The following NPHS1 variants were observed in gnomAD, a reference collection of about 807,000 sequenced individuals.
NPHS1 encodes nephrin.
A neutral mutation model predicts 139.7 loss-of-function variants in NPHS1; 107 were observed. The observed-to-expected ratio is 0.77, with a 90% CI of 0.66 to 0.90. The LOEUF (loss-of-function observed/expected upper bound fraction) is 0.90. NPHS1 is among the 40% of genes least tolerant of loss of function. NPHS1 has a pLI of 0.00. For synonymous variants in NPHS1, 707 were observed against 706.6 expected, an observed-to-expected ratio of 1.00 and a Z score of -0.01; for missense variants, 1,580 against 1,654.2, an observed-to-expected ratio of 0.96 and a Z score of 0.78.
chr19:35,851,515 G>C lies in NPHS1; in HGVS notation c.216C>G (p.Gly72=), dbSNP rs764300734. Residue 72 remains glycine (G), a synonymous_variant, in exon 2 of 29, where the codon GGC becomes GGG. Transcript: ENST00000378910. Reference sequence around the variant, plus strand: ...GGAAGCCTGGGATCCTGGGGTCGGGGCCCAGGAGCAGCCCATCTTTGGCCC... The same window carrying C: ...GGAAGCCTGGGATCCTGGGGTCGGGCCCCAGGAGCAGCCCATCTTTGGCCC... ...VQWAKDGLLL[G]PDPRIPGFPR... 2 of 1,613,730 alleles carry C rather than the reference G, an allele frequency of 1.2e-6. No individual in the cohort carries two copies. Among genetic ancestry groups the C allele is most frequent in the Non-Finnish European group, 1.7e-6 (2 of 1,179,988 alleles).
At chr19:35,832,609 G>T (rs1972899344) in intron 23 of NPHS1, among the ~76,000 whole-genome samples, 1 of 151,830 alleles carries the variant, frequency 6.6e-6, no homozygotes, top group African/African-American at 2.4e-5. Context: ...GACGGAGTTG[G>T]CTGGGCACGG....
intron 23 of NPHS1, among the ~76,000 whole-genome samples, chr19:35,834,751 C>T (rs1440983918): frequency 4.0e-5 from 6 of 151,758 alleles, no homozygotes; most frequent in Non-Finnish European, 7.4e-5. Flanking sequence ...ATTAGCTGGG[C>T]GTGTTGGCAC....
At chr19:35,839,662 T>G in intron 20 of NPHS1, 55 bp from the exon 21 acceptor site, 4 of 1,405,914 alleles carry the variant, frequency 2.8e-6, no homozygotes, top group Non-Finnish European at 4.0e-6. Context: ...TTCCAGAAGA[T>G]TCTGTCCAGG....
At chr19:35,844,484 T>C in intron 14 of NPHS1, 25 bp from the exon 15 acceptor site, 2 of 1,547,146 alleles carry the variant, frequency 1.3e-6, no homozygotes, top group South Asian at 2.4e-5. Flanking sequence ...CCGCAGGGAG[T>C]CAAGATTGTT....
rs766646699 is a variant in NPHS1 at position 35,848,272 on chromosome 19, C to T, written c.1296G>A (p.Ser432=). ...GCTCACATTTTACGTTCAGGATGAGCGACTTCTTGAAGGTCTCCTTGGTGA... is the reference window on the plus strand; with the variant it reads ...GCTCACATTTTACGTTCAGGATGAGTGACTTCTTGAAGGTCTCCTTGGTGA... The part of the protein sequence containing the change: ...EAFTKETFKK[S]LILNVKYPAQ... Residue 432 remains serine (S), a synonymous_variant, in exon 10 of 29, where the codon TCG becomes TCA. Transcript: ENST00000378910. The T allele has an allele frequency of 1.6e-5, 26 of 1,613,966 alleles. No individual in the cohort carries two copies. The highest frequency in any genetic ancestry group is 2.1e-5 in the Non-Finnish European group (25 of 1,180,034).
chr19:35,847,115 G>A (rs374333617), intron 11 of NPHS1, among the ~76,000 whole-genome samples: 1 of 151,614 alleles, frequency 6.6e-6, no homozygotes, highest in Admixed American at 6.6e-5. Flanking sequence ...GCACGATCTC[G>A]GCTCACTGCA....
At chr19:35,844,005 T>A in intron 16 of NPHS1, 98 bp downstream of exon 16, 1 of 1,507,502 alleles carries the variant, frequency 6.6e-7, no homozygotes, top group Non-Finnish European at 9.0e-7. Flanking sequence ...CCAGGATGGG[T>A]GGCTATCCCT....
In NPHS1 at chr19:35,826,638, C is replaced by A. The variant is rs1459920914; in HGVS notation, c.3602G>T (p.Trp1201Leu). The A allele has an allele frequency of 6.2e-7, 1 of 1,614,138 alleles. No homozygotes were observed. Among genetic ancestry groups the A allele is most frequent in the South Asian group, 1.1e-5 (1 of 91,082 alleles). ...TGTGTCTTCAGGCCAGTGGAGGTCC[C>A]AGGGTCCCTGACAGGCAAAAAGTGG... is the stretch of plus-strand genomic sequence containing the variant. Reference protein sequence around the residue: ...PLYDEVQMGPWDLHWPEDTYQ... With the variant: ...PLYDEVQMGPLDLHWPEDTYQ... Residue 1201 changes from tryptophan to leucine, a missense_variant, in exon 29 of 29, where the codon TGG becomes TTG. Trp to Leu is a moderately conservative substitution (Grantham distance 61, BLOSUM62 -2). Coordinates refer to ENST00000378910, the MANE Select transcript of NPHS1 (RefSeq NM_004646.4).
intron 23 of NPHS1, among the ~76,000 whole-genome samples, chr19:35,834,346 A>G (rs776850038): frequency 3.9e-5 from 6 of 152,082 alleles, no homozygotes; most frequent in Non-Finnish European, 5.9e-5. Flanking sequence ...ACCCTAGACC[A>G]CCCAGTCCAG....
At position 35,848,568 on chromosome 19, in the gene NPHS1, T is replaced by A. The variant is rs995768468; in HGVS notation, c.1170+69A>T. On this transcript the variant is annotated intron_variant, in intron 9 of 28. Coordinates refer to ENST00000378910, the MANE Select transcript of NPHS1 (RefSeq NM_004646.4). ...CCCCCCAGGCTGCTGGACCCACCCC[T>A]TCCCTATCCACGAGTCATGCCCTCA... is the stretch of plus-strand genomic sequence containing the variant. The A allele has an allele frequency of 9.9e-5, 158 of 1,589,126 alleles. No individual in the cohort carries two copies. The Admixed American group carries it at 2.6e-3, about 26-fold the overall frequency.
intron 9 of NPHS1, 98 bp from the exon 10 acceptor site, chr19:35,848,495 A>G: frequency 6.3e-7 from 1 of 1,592,164 alleles, no homozygotes; most frequent in Non-Finnish European, 8.6e-7. Context: ...GACACAGGAG[A>G]CATCTCTACC....
intron 28 of NPHS1, among the ~76,000 whole-genome samples, chr19:35,827,106 G>A (rs1343693229): frequency 6.6e-6 from 1 of 152,036 alleles, no homozygotes; most frequent in Non-Finnish European, 1.5e-5. Context: ...CTCCCAAGTA[G>A]CTGGGACTAC....
At chr19:35,840,660 T>C (rs1380759969) in intron 20 of NPHS1, among the ~76,000 whole-genome samples, 1 of 150,156 alleles carries the variant, frequency 6.7e-6, no homozygotes, top group East Asian at 2.0e-4. Context: ...CGTCTCATCA[T>C]AGCATTTGCG....
rs1424185223 is a variant in NPHS1 at position 35,843,711 on chromosome 19, A to G, written c.2213-118T>C. 2.3e-6 allele frequency: 3 copies of G among 1,306,792 alleles called. No individual in the cohort carries two copies. In the East Asian group the frequency reaches 7.1e-5, roughly 31 times the overall value. 80.9% of individuals were successfully genotyped at this position (1,306,792 alleles called of 1,614,324 possible). On this transcript the variant is annotated intron_variant, in intron 16 of 28. Coordinates refer to ENST00000378910, the MANE Select transcript of NPHS1 (RefSeq NM_004646.4). ...CAGGAAAGTTATGGGTGTGGACACA[A>G]TCTGCCCTTAATACCAAAGGGTTGG...
At chr19:35,850,232 G>T in intron 5 of NPHS1, 132 bp downstream of exon 5, 1 of 735,226 alleles carries the variant, frequency 1.4e-6, no homozygotes. Context: ...AAGAAGCTTT[G>T]AGAGTCAGGA....
chr19:35,838,754 A>G (rs1468033940), intron 22 of NPHS1, among the ~76,000 whole-genome samples: 1 of 151,778 alleles, frequency 6.6e-6, no homozygotes, highest in Non-Finnish European at 1.5e-5. Context: ...GACTGAGTCA[A>G]GAGAATTGCT....
At position 35,830,965 on chromosome 19, in the gene NPHS1, G is replaced by A. The variant is rs1346202997; in HGVS notation, c.3482-9C>T. The A allele has an allele frequency of 6.2e-7, 1 of 1,607,162 alleles. No homozygotes were observed. The highest frequency in any genetic ancestry group is 2.2e-5 in the East Asian group (1 of 44,850). ...ATCTTCACCTGTGAAACCTGGAGTTGGAGTGGAAGGGAGACACGATCAAGG... is the reference window on the plus strand; with the variant it reads ...ATCTTCACCTGTGAAACCTGGAGTTAGAGTGGAAGGGAGACACGATCAAGG... On this transcript the variant is annotated splice_polypyrimidine_tract_variant and intron_variant, in intron 27 of 28. Transcript: ENST00000378910.
intron 28 of NPHS1, 91 bp downstream of exon 28, chr19:35,830,753 A>G (rs1258260091): frequency 8.3e-6 from 7 of 843,278 alleles, no homozygotes; most frequent in Non-Finnish European, 1.5e-5. Context: ...TCTTTGTTAC[A>G]GCAGCTAGCT....
At chr19:35,832,259 C>T (rs1426714545) in intron 23 of NPHS1, among the ~76,000 whole-genome samples, 1 of 152,134 alleles carries the variant, frequency 6.6e-6, no homozygotes, top group Non-Finnish European at 1.5e-5. Flanking sequence ...AATTCTATCT[C>T]AAGGTCAGGC....
Sources: gnomAD v4.1 joint callset for allele counts (sites outside exome capture counted in the v4.1 genomes callset) on GRCh38, gnomAD v4.1.1 for gene constraint, MANE v1.5 for transcripts, NCBI Gene and HGNC (gene_info 2026-07-23, HGNC 2026-07-21) for gene names.